Variants in GIPR observed in about 807,000 individuals in gnomAD.
GIPR encodes gastric inhibitory polypeptide receptor.
Under a neutral mutation model 62.2 loss-of-function variants are expected in GIPR, and 74 were observed. The observed-to-expected ratio is 1.19, with a 90% confidence interval of 0.99 to 1.44. The LOEUF is 1.44. Ranked by LOEUF, GIPR falls within the 40% of genes most tolerant of loss-of-function variation. The pLI is 0.00. For synonymous variants in GIPR, 256 were observed against 262.2 expected, an observed-to-expected ratio of 0.98 and a Z score of 0.23; for missense variants, 664 against 611.8, an observed-to-expected ratio of 1.09 and a Z score of -0.90.
At chr19:45,677,502 GC>G in intron 9 of GIPR, 119 bp downstream of exon 9, 1 of 870,538 alleles carries the variant, frequency 1.1e-6, no homozygotes, top group Non-Finnish European at 1.9e-6. Context: ...GGATACGTGG[GC>G]GGGATCCGAA....
chr19:45,679,483 GA>G lies in GIPR; in HGVS notation c.1152+1274del, dbSNP rs572702775. Reference sequence around the variant, plus strand: ...GCCACAGAGGGAGATCATGTCTCAAGAAAAAAAAAAAAAAAAAGGAAAGCAT... The same window carrying G: ...GCCACAGAGGGAGATCATGTCTCAAGAAAAAAAAAAAAAAAAGGAAAGCAT... On this transcript the variant is annotated intron_variant, in intron 12 of 13. Coordinates refer to ENST00000590918, the MANE Select transcript of GIPR (RefSeq NM_000164.4). Among the ~76,000 whole-genome samples, 803 of 103,216 alleles carry G rather than the reference GA, an allele frequency of 7.8e-3. 8 individuals carry two copies. The highest frequency in any genetic ancestry group is 0.03 in the African/African-American group (705 of 23,286). 67.7% of individuals were successfully genotyped at this position (103,216 alleles called of 152,430 possible). A position where few individuals can be genotyped will look rare whatever the true frequency, so the allele number is the denominator to read the frequency against.
At position 45,677,324 on chromosome 19, in the gene GIPR, G is replaced by A; in HGVS notation, c.795G>A (p.Gly265=). Residue 265 remains glycine, a splice_region_variant and synonymous_variant, in exon 9 of 14, where the codon GGG becomes GGA. Transcript: ENST00000590918. ...GGGGCGGGGTCGGGGTCTGCACAGG[G>A]GCCCCCGCGCTTTTCGTCATTCCCT... ...HFRYYLLLGW[G]APALFVIPWV... 1.3e-6 allele frequency: 2 copies of A among 1,582,834 alleles called. No individual in the cohort carries two copies. The highest frequency in any genetic ancestry group is 1.7e-6 in the Non-Finnish European group (2 of 1,162,066).
At chr19:45,679,469 A>T in intron 12 of GIPR, among the ~76,000 whole-genome samples, 1 of 140,282 alleles carries the variant, frequency 7.1e-6, no homozygotes. Flanking sequence ...CCACAGAGGG[A>T]GATCATGTCT....
rs1405223050 is a variant in GIPR, at chr19:45,677,751, T to A, written c.896T>A (p.Ile299Lys). ...RNEVKAIWWI[I>K]RTPILMTILI... ...GAAGTCAAGGCCATTTGGTGGATTA[T>A]ACGGACCCCCATCCTCATGACCATC... The change falls in exon 10 of 14, where the codon ATA becomes AAA. Residue 299 changes from isoleucine (I) to lysine (K), a missense_variant. Transcript: ENST00000590918. 1 of 1,613,622 alleles carries A rather than the reference T, an allele frequency of 6.2e-7. No homozygotes were observed. Among genetic ancestry groups the A allele is most frequent in the African/African-American group, 1.3e-5 (1 of 75,018 alleles).
intron 4 of GIPR, 95 bp from the exon 5 acceptor site, chr19:45,672,756 C>T (rs945057692): frequency 3.9e-5 from 29 of 744,258 alleles, no homozygotes; most frequent in Non-Finnish European, 5.7e-5. Flanking sequence ...ATCACCACTT[C>T]GGCTCTCTCC....
At chr19:45,677,430 T>C (rs1006969487) in intron 9 of GIPR, 47 bp downstream of exon 9, 11 of 1,257,198 alleles carry the variant, frequency 8.7e-6, no homozygotes, top group Non-Finnish European at 1.3e-5. Flanking sequence ...GGCGGGGCTT[T>C]GAGGGACTGT....
rs1000773495 is a variant in GIPR, at chr19:45,674,830, G to A, written c.633+4G>A. On this transcript the variant is annotated splice_donor_region_variant and intron_variant, in intron 7 of 13. Transcript: ENST00000590918. Reference sequence around the variant, plus strand: ...GGCCCTTGCGCTGTGGAACCAGGTGGGCATCCTCCTTCCGTTCCTCCAAAT... The same window carrying A: ...GGCCCTTGCGCTGTGGAACCAGGTGAGCATCCTCCTTCCGTTCCTCCAAAT... The A allele has an allele frequency of 3.7e-6, 6 of 1,613,582 alleles. No homozygotes were observed. Among genetic ancestry groups the A allele is most frequent in the Non-Finnish European group, 4.2e-6 (5 of 1,179,752 alleles).
chr19:45,673,997 A>G (rs1975693437), intron 5 of GIPR, 77 bp from the exon 6 acceptor site: 1 of 844,656 alleles, frequency 1.2e-6, no homozygotes, highest in East Asian at 2.4e-5. Context: ...AACAAAGAGC[A>G]GAGGTCCTTC....
Position 45,669,492 on chromosome 19 carries a change from C to A in GIPR, c.-29C>A, listed in dbSNP as rs781235143. The A allele has an allele frequency of 2.6e-6, 4 of 1,559,890 alleles. No homozygotes were observed. The highest frequency in any genetic ancestry group is 3.5e-6 in the Non-Finnish European group (4 of 1,155,702). The stretch of plus-strand genomic sequence containing the variant: ...GACCCTCCAGGCCTGATCGCCCCTG[C>A]ACGAACCAGACCCTTCGCCGCCCTC... On this transcript the variant is annotated 5_prime_UTR_variant, in exon 2 of 14. Coordinates refer to ENST00000590918, the MANE Select transcript of GIPR (RefSeq NM_000164.4).
Position 45,674,798 on chromosome 19 carries a change from G to T in GIPR, c.605G>T (p.Gly202Val), listed in dbSNP as rs746529729. 5 of 1,613,794 alleles carry T rather than the reference G, an allele frequency of 3.1e-6. No homozygotes were observed. The Admixed American group carries it at 8.3e-5, about 27-fold the overall frequency. ...RLLPRPGPYL[G>V]DQALALWNQA... ...CTACCTCGACCTGGCCCCTACCTTG[G>T]GGACCAGGCCCTTGCGCTGTGGAAC... The change falls in exon 7 of 14, where the codon GGG becomes GTG. Residue 202 changes from glycine to valine, a missense_variant. Gly to Val is a moderately radical substitution (Grantham distance 109). Transcript: ENST00000590918.
chr19:45,674,095 C>G lies in GIPR; in HGVS notation c.406C>G (p.Arg136Gly). ...AFLDQRLILE[R>G]LQVMYTVGYS... ...CCAGGACCAAAGGCTCATCTTGGAG[C>G]GGTTGCAGGTCATGTACACTGTCGG... The change falls in exon 6 of 14, where the codon CGG becomes GGG. Residue 136 changes from arginine (R) to glycine (G), a missense_variant. Arg to Gly is a moderately radical substitution (Grantham distance 125). Coordinates refer to ENST00000590918, the MANE Select transcript of GIPR (RefSeq NM_000164.4). 6.2e-7 allele frequency: 1 copy of G among 1,611,050 alleles called. No homozygotes were observed. Among genetic ancestry groups the G allele is most frequent in the Non-Finnish European group, 8.5e-7 (1 of 1,177,200 alleles).
intron 2 of GIPR, among the ~76,000 whole-genome samples, chr19:45,669,977 G>T (rs867655427): frequency 2.6e-5 from 4 of 151,458 alleles, no homozygotes; most frequent in Non-Finnish European, 4.4e-5. Context: ...TTCCCTCAGC[G>T]CAAAGAGAGT....
At position 45,678,127 on chromosome 19, in the gene GIPR, T is replaced by C. The variant is rs1600311391; in HGVS notation, c.1053T>C (p.Gly351=). 1 of 1,612,620 alleles carries C rather than the reference T, an allele frequency of 6.2e-7. No homozygotes were observed. The highest frequency in any genetic ancestry group is 2.2e-5 in the East Asian group (1 of 44,816). The part of the protein sequence containing the change: ...RSTLTLVPLL[G]VHEVVFAPVT... ...CGCTGACGCTGGTGCCCCTGCTGGGTGTCCACGAGGTGGTGTTTGCTCCCG... is the reference window on the plus strand; with the variant it reads ...CGCTGACGCTGGTGCCCCTGCTGGGCGTCCACGAGGTGGTGTTTGCTCCCG... The change falls in exon 12 of 14, where the codon GGT becomes GGC. Residue 351 remains glycine, a synonymous_variant. Coordinates refer to ENST00000590918, the MANE Select transcript of GIPR (RefSeq NM_000164.4).
Position 45,677,399 on chromosome 19 carries a change from T to C in GIPR, c.854+16T>C. The C allele has an allele frequency of 2.9e-6, 3 of 1,035,622 alleles. No individual in the cohort carries two copies. The highest frequency in any genetic ancestry group is 4.3e-6 in the Non-Finnish European group (3 of 693,270). 64.2% of individuals were successfully genotyped at this position (1,035,622 alleles called of 1,614,324 possible). On this transcript the variant is annotated intron_variant, in intron 9 of 13. Coordinates refer to ENST00000590918, the MANE Select transcript of GIPR (RefSeq NM_000164.4). Reference sequence around the variant, plus strand: ...AGAACACGCAGTGAGTTGCAGGGTCTGGGGCGGGGCGTGGGAGGTGGGCGG... The same window carrying C: ...AGAACACGCAGTGAGTTGCAGGGTCCGGGGCGGGGCGTGGGAGGTGGGCGG...
rs1208759576 is a variant in GIPR at position 45,669,543 on chromosome 19, A to AGCT, written c.32_34dup (p.Leu11dup). 1.9e-6 allele frequency: 3 copies of AGCT among 1,581,114 alleles called. No homozygotes were observed. Among genetic ancestry groups the AGCT allele is most frequent in the African/African-American group, 2.7e-5 (2 of 74,492 alleles). Reference sequence around the variant, plus strand: ...ACGATGACTACCTCTCCGATCCTGCAGCTGCTGCTGCGGCTCTCACTGTGC... The same window carrying AGCT: ...ACGATGACTACCTCTCCGATCCTGCAGCTGCTGCTGCTGCGGCTCTCACTGTGC... On this transcript the variant is annotated inframe_insertion, in exon 2 of 14. Coordinates refer to ENST00000590918, the MANE Select transcript of GIPR (RefSeq NM_000164.4).
intron 7 of GIPR, among the ~76,000 whole-genome samples, chr19:45,676,426 A>AC (rs1263610287): frequency 9.5e-5 from 7 of 73,716 alleles, no homozygotes; most frequent in African/African-American, 4.0e-4. Context: ...AAAGAAGCTG[A>AC]TTTTTTTTTT....
In GIPR at chr19:45,677,545, GGGCAATC is replaced by G. The variant is rs544454008; in HGVS notation, c.855-159_855-153del. 3.5e-4 allele frequency: 299 copies of G among 845,004 alleles called. 6 individuals are homozygous for G. The South Asian group carries it at 3.7e-3, about 10-fold the overall frequency. 52.3% of individuals were successfully genotyped at this position (845,004 alleles called of 1,614,324 possible). A position where few individuals can be genotyped will look rare whatever the true frequency, so the allele number is the denominator to read the frequency against. On this transcript the variant is annotated intron_variant, in intron 9 of 13. Transcript: ENST00000590918. ...GGGAGCTAGGAAAGGTTGTGTTCCA[GGGCAATC>G]GGCAAGGGGAGGGGGTGGGGCCTGG...
intron 9 of GIPR, 155 bp downstream of exon 9, chr19:45,677,538 T>C: frequency 2.4e-6 from 2 of 821,232 alleles, no homozygotes; most frequent in Non-Finnish European, 4.2e-6. Flanking sequence ...GGAAAGGTTG[T>C]GTTCCAGGGC....
Position 45,672,910 on chromosome 19 carries a change from G to A in GIPR, c.340G>A (p.Asp114Asn), listed in dbSNP as rs142609845. Reference sequence around the variant, plus strand: ...TGATGGCCAATGGGGACTTTGGAGAGACCATACACAATGTGAGAACCCAGA... The same window carrying A: ...TGATGGCCAATGGGGACTTTGGAGAAACCATACACAATGTGAGAACCCAGA... ...GSDGQWGLWR[D>N]HTQCENPEKN... is the part of the protein sequence containing the mutation. Residue 114 changes from aspartate to asparagine, a missense_variant, in exon 5 of 14, where the codon GAC becomes AAC. Asp to Asn is a conservative substitution (Grantham distance 23, BLOSUM62 1). Transcript: ENST00000590918. 3.1e-6 allele frequency: 5 copies of A among 1,613,124 alleles called. No individual in the cohort carries two copies. In the African/African-American group the frequency reaches 5.3e-5, roughly 17 times the overall value.
Sources: allele counts gnomAD v4.1 joint callset (sites outside exome capture counted in the v4.1 genomes callset), GRCh38; gene constraint gnomAD v4.1.1; transcripts MANE v1.5; gene names NCBI Gene and HGNC (gene_info 2026-07-23, HGNC 2026-07-21).